The following UGGT2 variants were observed in gnomAD, a reference collection of about 807,000 sequenced individuals.
UGGT2 encodes UDP-glucose:glycoprotein glucosyltransferase 2.
UGGT2 carries 180 observed loss-of-function variants against 192.1 expected under a neutral mutation model. The observed-to-expected ratio is 0.94, with a 90% CI of 0.83 to 1.06. UGGT2 has a LOEUF of 1.06. Ranked by LOEUF, UGGT2 falls within the 50% of genes least tolerant of loss-of-function variation. The pLI is 0.00. For synonymous variants in UGGT2, 580 were observed against 591.0 expected (o/e 0.98, Z 0.27); for missense variants, 1,849 against 1,795.7 (o/e 1.03, Z -0.54).
chr13:95,917,837 C>T (rs563348847), intron 20 of UGGT2, among the ~76,000 whole-genome samples: 25 of 152,268 alleles, frequency 1.6e-4, no homozygotes, highest in Middle Eastern at 6.8e-3. Flanking sequence ...GAAGAAATAA[C>T]TATCCTAAAT....
At chr13:95,932,715 T>C (rs2049330534) in intron 17 of UGGT2, among the ~76,000 whole-genome samples, 1 of 152,206 alleles carries the variant, frequency 6.6e-6, no homozygotes, top group Admixed American at 6.5e-5. Flanking sequence ...AGTATGATGT[T>C]GGTTGTGGGT....
intron 33 of UGGT2, chr13:95,856,580 A>G: frequency 2.1e-6 from 1 of 484,870 alleles, no homozygotes; most frequent in South Asian, 2.1e-5. Flanking sequence ...TAAGTGCACT[A>G]TATTATTTAA....
At chr13:96,002,036 G>C (rs913110750) in intron 5 of UGGT2, among the ~76,000 whole-genome samples, 3 of 152,236 alleles carry the variant, frequency 2.0e-5, no homozygotes. Context: ...CCAGTCAACA[G>C]TAGGTTATTA....
At chr13:95,979,633 ATTC>A (rs1472688393) in intron 10 of UGGT2, among the ~76,000 whole-genome samples, 2 of 151,018 alleles carry the variant, frequency 1.3e-5, no homozygotes, top group Admixed American at 6.6e-5. Flanking sequence ...TCTGATCTGT[ATTC>A]TTCTTATTAT....
In UGGT2 at chr13:96,031,913, C is replaced by G; in HGVS notation, c.217G>C (p.Glu73Gln). The change falls in exon 2 of 39, where the codon GAA (glutamate) becomes CAA (glutamine). Residue 73 changes from glutamate (E) to glutamine (Q), a missense_variant. Coordinates refer to ENST00000376747, the MANE Select transcript of UGGT2 (RefSeq NM_020121.4). ...CCTGTTTGCTTATAAATTGCTAATT[C>G]TTGCACAGTTTCCAAAAACTGCCAA... ...KFWQFLETVQ[E>Q]LAIYKQTESD... 1 of 1,611,090 alleles carries G rather than the reference C, an allele frequency of 6.2e-7. No individual in the cohort carries two copies. Among genetic ancestry groups the G allele is most frequent in the Non-Finnish European group, 8.5e-7 (1 of 1,178,856 alleles).
At chr13:95,849,928 T>G (rs369038696) in intron 36 of UGGT2, among the ~76,000 whole-genome samples, 526 of 6,782 alleles carry the variant, frequency 0.078, 3 homozygotes, top group African/African-American at 0.13. Flanking sequence ...TGTTTTTTGT[T>G]TTTTTTTTTG....
At chr13:95,912,576 A>C (rs1202431100) in intron 20 of UGGT2, among the ~76,000 whole-genome samples, 1 of 152,136 alleles carries the variant, frequency 6.6e-6, no homozygotes, top group Non-Finnish European at 1.5e-5. Context: ...CACTGCTCAA[A>C]GAAATAAAAG....
chr13:95,978,140 G>A (rs895040532), intron 10 of UGGT2, among the ~76,000 whole-genome samples: 2 of 151,994 alleles, frequency 1.3e-5, no homozygotes, highest in African/African-American at 2.4e-5. Context: ...GTGTACCTAC[G>A]TAACAAACCC....
chr13:95,862,055 C>G (rs1326630632), intron 31 of UGGT2, among the ~76,000 whole-genome samples: 1 of 152,110 alleles, frequency 6.6e-6, no homozygotes, highest in Non-Finnish European at 1.5e-5. Context: ...GTAAGACACT[C>G]TTAAAATTGC....
intron 36 of UGGT2, 70 bp from the exon 37 acceptor site, chr13:95,837,272 T>A: frequency 1.9e-6 from 2 of 1,036,088 alleles, no homozygotes; most frequent in South Asian, 1.3e-5. Context: ...CTGAATGAAG[T>A]AAGACATCAG....
rs2048999398 is a variant in UGGT2 at position 95,925,831 on chromosome 13, A to T, written c.2201-57T>A. 1.7e-5 allele frequency: 21 copies of T among 1,258,042 alleles called. 1 individual carries two copies. The South Asian group carries it at 3.2e-4, about 19-fold the overall frequency. 77.9% of individuals were successfully genotyped at this position (1,258,042 alleles called of 1,614,324 possible). A position where few individuals can be genotyped will look rare whatever the true frequency, so the allele number is the denominator to read the frequency against. On this transcript the variant is annotated intron_variant, in intron 19 of 38. Coordinates refer to ENST00000376747, the MANE Select transcript of UGGT2 (RefSeq NM_020121.4). The stretch of plus-strand genomic sequence containing the variant: ...CTTTTTTTTTAAAAAATAAAACAAA[A>T]GCAGGGGAACATGTGCAGTTAACAC...
At chr13:95,996,565 T>A (rs551241388) in intron 6 of UGGT2, among the ~76,000 whole-genome samples, 1 of 152,130 alleles carries the variant, frequency 6.6e-6, no homozygotes, top group South Asian at 2.1e-4. Flanking sequence ...TTTTCCTTCA[T>A]GGACCAGATT....
chr13:95,907,696 A>T (rs1032560770), intron 20 of UGGT2, among the ~76,000 whole-genome samples: 2 of 152,212 alleles, frequency 1.3e-5, no homozygotes, highest in Admixed American at 6.5e-5. Flanking sequence ...AAGGAATAGC[A>T]TCAACATCAA....
At chr13:95,905,902 G>A (rs2140310479) in intron 20 of UGGT2, among the ~76,000 whole-genome samples, 1 of 152,210 alleles carries the variant, frequency 6.6e-6, no homozygotes, top group East Asian at 1.9e-4. Flanking sequence ...GACGTGAAAA[G>A]GGGGAAGTGT....
intron 20 of UGGT2, among the ~76,000 whole-genome samples, chr13:95,914,119 G>A (rs1026236358): frequency 6.6e-6 from 1 of 152,030 alleles, no homozygotes; most frequent in African/African-American, 2.4e-5. Flanking sequence ...CTGAGGGAGG[G>A]ATAGCATTAG....
chr13:95,865,100 T>C (rs1890529023), intron 30 of UGGT2, among the ~76,000 whole-genome samples: 3 of 152,200 alleles, frequency 2.0e-5, no homozygotes, highest in African/African-American at 4.8e-5. Context: ...TATAATCTTA[T>C]ATGGGCCATT....
intron 20 of UGGT2, among the ~76,000 whole-genome samples, chr13:95,922,953 C>T (rs1236511100): frequency 6.6e-6 from 1 of 152,148 alleles, no homozygotes; most frequent in African/African-American, 2.4e-5. Context: ...TGTGACAGAT[C>T]CTCTCAAAAA....
chr13:95,927,819 G>T (rs557731224), intron 17 of UGGT2, among the ~76,000 whole-genome samples: 1 of 152,098 alleles, frequency 6.6e-6, no homozygotes, highest in African/African-American at 2.4e-5. Context: ...GCCGCCTTCC[G>T]CAGTGTTTGT....
intron 38 of UGGT2, among the ~76,000 whole-genome samples, chr13:95,828,852 G>A (rs976195809): frequency 1.3e-5 from 2 of 151,970 alleles, no homozygotes; most frequent in Admixed American, 6.6e-5. Context: ...CAAAGACTGG[G>A]AGAGTCACAA....
Sources: allele counts gnomAD v4.1 joint callset (sites outside exome capture counted in the v4.1 genomes callset), GRCh38; gene constraint gnomAD v4.1.1; transcripts MANE v1.5; gene names NCBI Gene and HGNC (gene_info 2026-07-23, HGNC 2026-07-21).